The following CLVS1 variants were observed in gnomAD, a reference collection of about 807,000 sequenced individuals.
CLVS1 encodes clavesin 1.
CLVS1 carries 10 observed loss-of-function variants against 33.1 expected under a neutral mutation model. The ratio of observed to expected loss-of-function variants is 0.30; its 90% CI spans 0.19 to 0.51. The LOEUF (loss-of-function observed/expected upper bound fraction) is 0.51. Among genes scored for constraint, CLVS1 ranks in the 20% least tolerant of loss-of-function variants. The pLI is 0.97. For missense variants in CLVS1, 343 were observed against 433.4 expected (o/e 0.79, Z 1.85); for synonymous variants, 163 against 166.1 (o/e 0.98, Z 0.14).
At chr8:61,158,528 G>GAA (rs1486601571) in intron 2 of CLVS1, among the ~76,000 whole-genome samples, 1 of 152,142 alleles carries the variant, frequency 6.6e-6, no homozygotes, top group Non-Finnish European at 1.5e-5. Flanking sequence ...TGGTAGCTTT[G>GAA]ATTGTCTTGT....
At chr8:60,992,027 C>A in the CLVS1 span, among the ~76,000 whole-genome samples, 1 of 152,156 alleles carries the variant, frequency 6.6e-6, no homozygotes, top group Non-Finnish European at 1.5e-5. Flanking sequence ...GGATTACAGG[C>A]GTGAGCCACC....
chr8:61,256,507 C>T (rs530751333), intron 2 of CLVS1, among the ~76,000 whole-genome samples: 76 of 151,936 alleles, frequency 5.0e-4, no homozygotes, highest in Middle Eastern at 3.4e-3. Flanking sequence ...AGCGAGACTC[C>T]GTCTCAAAAA....
In CLVS1 at chr8:61,235,561, A is replaced by G. The variant is rs1043002807; in HGVS notation, c.-151-64116A>G. Reference sequence around the variant, plus strand: ...CTTAAAGCTTCTGAACATGTCTTTCAACTAAAACAATTAAACATTTTGAAG... The same window carrying G: ...CTTAAAGCTTCTGAACATGTCTTTCGACTAAAACAATTAAACATTTTGAAG... On this transcript the variant is annotated intron_variant, in intron 2 of 2. Coordinates refer to the CLVS1 transcript ENST00000522621. 1.9e-4 allele frequency among the ~76,000 whole-genome samples: 29 copies of G among 152,208 alleles called. 1 individual carries two copies.
At chr8:61,250,904 A>G (rs963615150) in intron 2 of CLVS1, among the ~76,000 whole-genome samples, 2 of 151,966 alleles carry the variant, frequency 1.3e-5, no homozygotes, top group Non-Finnish European at 2.9e-5. Context: ...GAATACTTTT[A>G]TTTCTTTCTC....
In CLVS1 at chr8:61,499,803, C is replaced by G; in HGVS notation, c.*261C>G. On this transcript the variant is annotated 3_prime_UTR_variant, in exon 6 of 6. Transcript: ENST00000325897. ...CATTTATGTAAAAAAGATTCTCCCT[C>G]CTTTCATATTTATTGTAGTAAATTG... is the stretch of plus-strand genomic sequence containing the variant. 3.7e-6 allele frequency: 1 copy of G among 273,182 alleles called. No individual in the cohort carries two copies. Among genetic ancestry groups the G allele is most frequent in the Non-Finnish European group, 6.9e-6 (1 of 144,544 alleles). 16.9% of individuals were successfully genotyped at this position (273,182 alleles called of 1,614,324 possible).
At position 61,436,516 on chromosome 8, in the gene CLVS1, C is replaced by T. The variant is rs147535841; in HGVS notation, c.631-17625C>T. Among the ~76,000 whole-genome samples, 1,342 of 152,276 alleles carry T rather than the reference C, an allele frequency of 8.8e-3. 14 individuals are homozygous for T. The highest frequency in any genetic ancestry group is 0.039 in the South Asian group (189 of 4,822). Reference sequence around the variant, plus strand: ...TCAGCCTCTCAGGAGCATTCAACACCATTGATCACCATGTCCCTTGCAAAA... The same window carrying T: ...TCAGCCTCTCAGGAGCATTCAACACTATTGATCACCATGTCCCTTGCAAAA... On this transcript the variant is annotated intron_variant, in intron 3 of 5. Transcript: ENST00000325897.
chr8:61,488,973 T>C (rs1210271683), intron 5 of CLVS1, among the ~76,000 whole-genome samples: 3 of 152,190 alleles, frequency 2.0e-5, no homozygotes, highest in Non-Finnish European at 4.4e-5. Context: ...ATGTTCAGTG[T>C]TGATGGATTG....
At chr8:61,032,096 C>T in the CLVS1 span, among the ~76,000 whole-genome samples, 1 of 152,126 alleles carries the variant, frequency 6.6e-6, no homozygotes, top group African/African-American at 2.4e-5. Context: ...ACAACCCAGC[C>T]AGAAATAGCT....
intron 1 of CLVS1, among the ~76,000 whole-genome samples, chr8:61,061,894 T>G (rs1007224820): frequency 2.0e-5 from 3 of 152,144 alleles, no homozygotes; most frequent in Non-Finnish European, 4.4e-5. Flanking sequence ...CCGTAGCACC[T>G]GGGCATTTTT....
At chr8:61,190,073 C>A (rs889407871) in intron 2 of CLVS1, among the ~76,000 whole-genome samples, 1 of 152,156 alleles carries the variant, frequency 6.6e-6, no homozygotes, top group African/African-American at 2.4e-5. Context: ...AATATACATT[C>A]TTCTCAGCAC....
rs146519739 is a variant in CLVS1 at position 61,470,453 on chromosome 8, C to T, written c.977+11911C>T. Reference sequence around the variant, plus strand: ...GTTTCAAAAATGAACTGTTTGATTACTCACTGTGTTATGTTCTGAAAAACA... The same window carrying T: ...GTTTCAAAAATGAACTGTTTGATTATTCACTGTGTTATGTTCTGAAAAACA... On this transcript the variant is annotated intron_variant, in intron 5 of 5. Coordinates refer to ENST00000325897, the MANE Select transcript of CLVS1 (RefSeq NM_173519.3). 7.2e-3 allele frequency among the ~76,000 whole-genome samples: 1,100 copies of T among 152,312 alleles called. 7 individuals are homozygous for T. Among genetic ancestry groups the T allele is most frequent in the Non-Finnish European group, 8.7e-3 (594 of 68,016 alleles).
Position 61,420,005 on chromosome 8 carries a change from G to C in CLVS1, c.631-34136G>C, listed in dbSNP as rs149706024. Among the ~76,000 whole-genome samples, 6 of 152,290 alleles carry C rather than the reference G, an allele frequency of 3.9e-5. No individual in the cohort carries two copies. The East Asian group carries it at 9.6e-4, about 24-fold the overall frequency. ...AGTAACCTACCTGTTATTTATACAAGTCTGGAACCTTTAAAACTGATTATT... is the reference window on the plus strand; with the variant it reads ...AGTAACCTACCTGTTATTTATACAACTCTGGAACCTTTAAAACTGATTATT... On this transcript the variant is annotated intron_variant, in intron 3 of 5. Coordinates refer to ENST00000325897, the MANE Select transcript of CLVS1 (RefSeq NM_173519.3).
At chr8:61,429,995 G>A (rs532240514) in intron 3 of CLVS1, among the ~76,000 whole-genome samples, 1 of 152,228 alleles carries the variant, frequency 6.6e-6, no homozygotes, top group East Asian at 1.9e-4. Flanking sequence ...TGTTTTCTCT[G>A]GAACCATTTC....
the CLVS1 span, among the ~76,000 whole-genome samples, chr8:60,970,568 C>G: frequency 0.55 from 83,796 of 152,074 alleles, 23,466 homozygotes; most frequent in South Asian, 0.71. Context: ...GTCCAGGATG[C>G]AAATAATTTC....
At chr8:61,316,436 C>A (rs1274541339) in intron 2 of CLVS1, among the ~76,000 whole-genome samples, 2 of 152,184 alleles carry the variant, frequency 1.3e-5, no homozygotes, top group African/African-American at 2.4e-5. Context: ...ATATTATATT[C>A]TCTTTCTACT....
intron 1 of CLVS1, chr8:61,292,442 T>C (rs1810028680): frequency 2.2e-6 from 1 of 455,830 alleles, no homozygotes; most frequent in Non-Finnish European, 4.4e-6. Flanking sequence ...ATAGAGTTAA[T>C]GGCCGTTTTT....
chr8:61,021,405 C>T, the CLVS1 span, among the ~76,000 whole-genome samples: 1 of 152,156 alleles, frequency 6.6e-6, no homozygotes, highest in Non-Finnish European at 1.5e-5. Context: ...GGCTGGAGTG[C>T]AATGGCGCGA....
chr8:61,191,066 A>T (rs2129302658), intron 2 of CLVS1, among the ~76,000 whole-genome samples: 1 of 152,292 alleles, frequency 6.6e-6, no homozygotes. Flanking sequence ...GCAGAGACAC[A>T]ACAAAAAAAA....
the CLVS1 span, among the ~76,000 whole-genome samples, chr8:61,051,989 G>A: frequency 1.2e-4 from 18 of 152,334 alleles, no homozygotes; most frequent in Admixed American, 9.1e-4. Context: ...TGTGCCATCC[G>A]GCCATGGCCT....
Sources: gnomAD v4.1 joint callset for allele counts (sites outside exome capture counted in the v4.1 genomes callset) on GRCh38, gnomAD v4.1.1 for gene constraint, MANE v1.5 for transcripts, NCBI Gene and HGNC (gene_info 2026-07-23, HGNC 2026-07-21) for gene names.